MGA: variants seen among roughly 807,000 people sequenced by gnomAD.
The protein encoded by MGA is MAX dimerization protein MGA.
Under a neutral mutation model 261.1 loss-of-function variants are expected in MGA, and 40 were observed. The ratio of observed to expected loss-of-function variants is 0.15; its 90% confidence interval spans 0.12 to 0.20. MGA has a LOEUF of 0.20. Among genes scored for constraint, MGA ranks in the 10% least tolerant of loss-of-function variants. The pLI is 1.00. For missense variants in MGA, 3,397 were observed against 3,630.5 expected (o/e 0.94, Z 1.65); for synonymous variants, 1,302 against 1,290.6 (o/e 1.01, Z -0.19).
intron 11 of MGA, among the ~76,000 whole-genome samples, chr15:41,729,585 G>A (rs1016349273): frequency 2.2e-4 from 33 of 151,992 alleles, no homozygotes; most frequent in Non-Finnish European, 3.5e-4. Context: ...ACTTTGGGAC[G>A]CTGAGGCAGG....
chr15:41,633,395 C>T (rs566023278), intron 1 of MGA, among the ~76,000 whole-genome samples: 1 of 149,954 alleles, frequency 6.7e-6, no homozygotes, highest in South Asian at 2.1e-4. Context: ...GCTCTGTTGC[C>T]CAGGCTGGAG....
rs754995618 is a variant in MGA, at chr15:41,727,236, G to A, written c.3487G>A (p.Val1163Ile). The A allele has an allele frequency of 1.2e-6, 2 of 1,613,834 alleles. No individual in the cohort carries two copies. The highest frequency in any genetic ancestry group is 1.7e-6 in the Non-Finnish European group (2 of 1,179,888). Residue 1163 changes from valine (V) to isoleucine (I), a missense_variant, in exon 10 of 24, where the codon GTA becomes ATA. By Grantham distance (29) the Val-to-Ile change is conservative (BLOSUM62 3). Around this residue, in one of 9 missense-constraint regions of MGA, gnomAD observed 519 missense variants for 554.1 expected, o/e 0.94. Coordinates refer to ENST00000219905, the MANE Select transcript of MGA (RefSeq NM_001164273.2). ...TCGACATTACCCATTATGGGTAAAA[G>A]TAGAAGGTGAAGTAGATCCAGAACC...
chr15:41,766,755 A>G lies in MGA; in HGVS notation c.8673A>G (p.Gln2891=), dbSNP rs1181406197. The G allele has an allele frequency of 6.2e-7, 1 of 1,613,856 alleles. No individual in the cohort carries two copies. The highest frequency in any genetic ancestry group is 1.3e-5 in the African/African-American group (1 of 74,916). ...GTTTGAAAGAGTTGCCTGATGTTCA[A>G]GGGGAGAGTGACTCTATCAGTCCCC... The change falls in exon 24 of 24, where the codon CAA becomes CAG. Residue 2891 remains glutamine, a synonymous_variant. Coordinates refer to ENST00000219905, the MANE Select transcript of MGA (RefSeq NM_001164273.2).
chr15:41,680,052 TC>T (rs967697135), intron 2 of MGA, among the ~76,000 whole-genome samples: 2 of 152,184 alleles, frequency 1.3e-5, no homozygotes, highest in Admixed American at 1.3e-4. Flanking sequence ...ACTGTTTTCT[TC>T]CCTTGATCAG....
intron 23 of MGA, 142 bp from the exon 24 acceptor site, chr15:41,765,862 T>C (rs562684080): frequency 1.8e-5 from 12 of 657,084 alleles, no homozygotes; most frequent in African/African-American, 1.1e-4. Flanking sequence ...AGAACTGATA[T>C]TTCTTTCATC....
chr15:41,689,544 T>G (rs896511334), intron 2 of MGA, among the ~76,000 whole-genome samples: 1 of 151,432 alleles, frequency 6.6e-6, no homozygotes, highest in African/African-American at 2.4e-5. Context: ...TGTGTTTATT[T>G]TGGTTCATTT....
chr15:41,696,429 C>G lies in MGA; in HGVS notation c.1419C>G (p.Pro473=). The G allele has an allele frequency of 2.5e-6, 4 of 1,613,982 alleles. No individual in the cohort carries two copies. Among genetic ancestry groups the G allele is most frequent in the Non-Finnish European group, 3.4e-6 (4 of 1,179,878 alleles). Residue 473 remains proline, a synonymous_variant, in exon 3 of 24, where the codon CCC becomes CCG. Transcript: ENST00000219905. Reference sequence around the variant, plus strand: ...AGATGCCAGTAGTCTATCTGGAGCCCTGTGCTGTCACCAGAAGCACAGTTA... The same window carrying G: ...AGATGCCAGTAGTCTATCTGGAGCCGTGTGCTGTCACCAGAAGCACAGTTA...
chr15:41,708,184 A>G lies in MGA; in HGVS notation c.2401A>G (p.Ser801Gly). 1 of 1,597,446 alleles carries G rather than the reference A, an allele frequency of 6.3e-7. No homozygotes were observed. The highest frequency in any genetic ancestry group is 8.5e-7 in the Non-Finnish European group (1 of 1,171,202). The stretch of plus-strand genomic sequence containing the variant: ...CAAGGGATGGAGGGGAAAATTTCAT[A>G]GTGCTTCTGCATCTAGGAATGAAGG... The change falls in exon 7 of 24, where the codon AGT becomes GGT. Residue 801 changes from serine (S) to glycine (G), a missense_variant. Transcript: ENST00000219905.
rs1288759733 is a variant in MGA at position 41,761,780 on chromosome 15, A to T, written c.7440A>T (p.Lys2480Asn). Residue 2480 changes from lysine (K) to asparagine (N), a missense_variant, in exon 21 of 24, where the codon AAA becomes AAT. Coordinates refer to ENST00000219905, the MANE Select transcript of MGA (RefSeq NM_001164273.2). Reference sequence around the variant, plus strand: ...AGGGACTAACAGATCAGGCAGACAAATTGATAGGACAGAAAAATCTCCTGA... The same window carrying T: ...AGGGACTAACAGATCAGGCAGACAATTTGATAGGACAGAAAAATCTCCTGA... 6.2e-7 allele frequency: 1 copy of T among 1,600,848 alleles called. No individual in the cohort carries two copies. Among genetic ancestry groups the T allele is most frequent in the Non-Finnish European group, 8.5e-7 (1 of 1,173,058 alleles).
rs574772719 is a variant in MGA, at chr15:41,621,945, G to T, written c.-68+647G>T. On this transcript the variant is annotated intron_variant, in intron 1 of 8. Transcript: ENST00000566718. The stretch of plus-strand genomic sequence containing the variant: ...CAGACGACAAGTTCTCAGCAAAATG[G>T]CTGCTGGAAAGAGTCGCCAAGCAGG... Among the ~76,000 whole-genome samples, 3 of 151,970 alleles carry T rather than the reference G, an allele frequency of 2.0e-5. No individual in the cohort carries two copies. The South Asian group carries it at 6.2e-4, about 32-fold the overall frequency.
chr15:41,711,415 G>C, intron 8 of MGA, 66 bp downstream of exon 8: 1 of 1,460,624 alleles, frequency 6.8e-7, no homozygotes, highest in East Asian at 2.3e-5. Flanking sequence ...TTAGTGAGGG[G>C]AAATGGGAAT....
chr15:41,689,469 AATAAT>A (rs1236662264), intron 2 of MGA, among the ~76,000 whole-genome samples: 3 of 151,908 alleles, frequency 2.0e-5, no homozygotes, highest in African/African-American at 7.3e-5. Flanking sequence ...TAGTCATTTA[AATAAT>A]ATAAGAAAAG....
chr15:41,747,831 A>AT (rs1309580636), intron 15 of MGA, among the ~76,000 whole-genome samples: 2 of 152,144 alleles, frequency 1.3e-5, no homozygotes, highest in Non-Finnish European at 2.9e-5. Flanking sequence ...TTGATACTCT[A>AT]TTTTTTACCA....
At chr15:41,645,556 C>A (rs2056920489) in intron 1 of MGA, among the ~76,000 whole-genome samples, 1 of 152,068 alleles carries the variant, frequency 6.6e-6, no homozygotes, top group Admixed American at 6.5e-5. Context: ...TGCACTCCAG[C>A]CTGGGCTACA....
intron 2 of MGA, among the ~76,000 whole-genome samples, chr15:41,693,523 A>G (rs1292379828): frequency 6.6e-6 from 1 of 152,224 alleles, no homozygotes; most frequent in Middle Eastern, 3.4e-3. Context: ...CATTCATGTA[A>G]TGGTTGCTTG....
rs187163351 is a variant in MGA at position 41,647,111 on chromosome 15, A to G, written c.-67-21717A>G. On this transcript the variant is annotated intron_variant, in intron 1 of 8. Transcript: ENST00000566718. Reference sequence around the variant, plus strand: ...TCTCATTCAGCTTCTATGGTTCTTTATCTTTTGTTGGGTCATACACCCCTC... The same window carrying G: ...TCTCATTCAGCTTCTATGGTTCTTTGTCTTTTGTTGGGTCATACACCCCTC... 8.3e-4 allele frequency among the ~76,000 whole-genome samples: 126 copies of G among 151,920 alleles called. 1 individual carries two copies. The highest frequency in any genetic ancestry group is 1.8e-4 in the Non-Finnish European group (12 of 67,958).
chr15:41,720,432 T>C (rs2060878344), intron 9 of MGA, among the ~76,000 whole-genome samples: 1 of 151,982 alleles, frequency 6.6e-6, no homozygotes, highest in Non-Finnish European at 1.5e-5. Flanking sequence ...GTCCCAGCTG[T>C]GCAGTAGGCT....
At chr15:41,763,418 A>G (rs1479591553) in intron 22 of MGA, among the ~76,000 whole-genome samples, 2 of 151,170 alleles carry the variant, frequency 1.3e-5, no homozygotes, top group Non-Finnish European at 2.9e-5. Flanking sequence ...TCTATTTTTC[A>G]TCAGATCACT....
At chr15:41,658,906 A>G (rs1038135999), upstream of MGA, among the ~76,000 whole-genome samples, 1 of 152,006 alleles carries the variant, frequency 6.6e-6, no homozygotes, top group Non-Finnish European at 1.5e-5. Flanking sequence ...CCTTATGATC[A>G]TATATTTTAA....
Sources: gnomAD v4.1 joint callset for allele counts (sites outside exome capture counted in the v4.1 genomes callset) on GRCh38, gnomAD v4.1.1 for gene constraint, gnomAD v4.1.1 regional missense constraint, MANE v1.5 for transcripts, NCBI Gene and HGNC (gene_info 2026-07-23, HGNC 2026-07-21) for gene names.